FUT8: variants seen among roughly 807,000 people sequenced by gnomAD.
FUT8 encodes fucosyltransferase 8, also known as alpha-(1,6)-fucosyltransferase.
FUT8 carries 29 observed loss-of-function variants against 71.3 expected under a neutral mutation model. The ratio of observed to expected loss-of-function variants is 0.41; its 90% CI spans 0.30 to 0.55. The LOEUF (loss-of-function observed/expected upper bound fraction) is 0.55. Among genes scored for constraint, FUT8 ranks in the 20% least tolerant of loss-of-function variants. The pLI is 0.34. For synonymous variants in FUT8, 254 were observed against 239.3 expected, an observed-to-expected ratio of 1.06 and a Z score of -0.57; for missense variants, 544 against 702.1, an observed-to-expected ratio of 0.77 and a Z score of 2.55.
chr14:65,412,699 A>G (rs948813377), upstream of FUT8: 1 of 178,794 alleles, frequency 5.6e-6, no homozygotes, highest in Admixed American at 6.1e-5. Context: ...CCTCTCCCAG[A>G]AGCCAGGAAC....
In FUT8 at chr14:65,574,109, A is replaced by G. The variant is rs1286928293; in HGVS notation, c.203+12343A>G. On this transcript the variant is annotated intron_variant, in intron 3 of 10. Transcript: ENST00000673929. The surrounding 1 kb of genome is among the most constrained non-coding windows in gnomAD (Gnocchi z 5.2). ...GTTGTTGGCAGAATTCACTTCCTTG[A>G]TATTGTTTGGACTAAGGGCCTCAGT... 6.6e-6 allele frequency among the ~76,000 whole-genome samples: 1 copy of G among 152,100 alleles called. No homozygotes were observed. The highest frequency in any genetic ancestry group is 1.5e-5 in the Non-Finnish European group (1 of 68,028).
intron 1 of FUT8, among the ~76,000 whole-genome samples, chr14:65,434,999 G>A (rs370615142): frequency 9.2e-5 from 14 of 151,898 alleles, no homozygotes; most frequent in African/African-American, 2.4e-4. Context: ...TAAGTTCATC[G>A]CCCTGGAAAA....
chr14:65,509,951 C>A (rs1045239824), intron 2 of FUT8, among the ~76,000 whole-genome samples: 1 of 152,098 alleles, frequency 6.6e-6, no homozygotes, highest in African/African-American at 2.4e-5. Context: ...ATTGCTCTAG[C>A]TAGGACTCCC....
At chr14:65,492,219 A>G (rs2066491953) in intron 2 of FUT8, among the ~76,000 whole-genome samples, 1 of 152,218 alleles carries the variant, frequency 6.6e-6, no homozygotes, top group South Asian at 2.1e-4. Context: ...TCAATCCAAC[A>G]TGACAGATAT....
At chr14:65,585,409 A>G (rs1566836024) in intron 3 of FUT8, among the ~76,000 whole-genome samples, 1 of 152,132 alleles carries the variant, frequency 6.6e-6, no homozygotes, top group Non-Finnish European at 1.5e-5. Flanking sequence ...CTGGTCTCAA[A>G]GTGCTAGTCT....
intron 2 of FUT8, among the ~76,000 whole-genome samples, chr14:65,494,588 T>C (rs2066531843): frequency 6.6e-6 from 1 of 152,078 alleles, no homozygotes; most frequent in Non-Finnish European, 1.5e-5. Context: ...CAACGTATTT[T>C]TTTATTTTTT....
chr14:65,697,155 T>G (rs918295639), intron 7 of FUT8, among the ~76,000 whole-genome samples: 9 of 152,210 alleles, frequency 5.9e-5, no homozygotes, highest in Non-Finnish European at 1.3e-4. Context: ...GGAACTGAAG[T>G]AGATAGGCTG....
chr14:65,714,771 A>G (rs1025598685), intron 7 of FUT8, among the ~76,000 whole-genome samples: 7 of 151,986 alleles, frequency 4.6e-5, no homozygotes, highest in African/African-American at 1.7e-4. Flanking sequence ...TCAGTGTTTT[A>G]TAGTTTTCAT....
chr14:65,480,235 A>G (rs745660084), intron 2 of FUT8, among the ~76,000 whole-genome samples: 1 of 150,424 alleles, frequency 6.6e-6, no homozygotes, highest in Non-Finnish European at 1.5e-5. Context: ...TTTCTATCCC[A>G]TCATTATGAT....
In FUT8 at chr14:65,561,498, CAG is replaced by C. The variant is rs893806346; in HGVS notation, c.-63_-62del. 8.8e-6 allele frequency: 13 copies of C among 1,478,130 alleles called. 1 individual carries two copies. Among genetic ancestry groups the C allele is most frequent in the Middle Eastern group, 2.3e-4 (1 of 4,326 alleles). 91.6% of individuals were successfully genotyped at this position (1,478,130 alleles called of 1,614,324 possible). On this transcript the variant is annotated 5_prime_UTR_variant, in exon 3 of 11. Transcript: ENST00000673929. ...TATTCACCTGTGCACTAACTAGAAA[CAG>C]AGTTACAATGTTTTCAATTCTTTGA...
intron 7 of FUT8, among the ~76,000 whole-genome samples, chr14:65,716,431 C>CTT (rs201105372): frequency 2.0e-5 from 2 of 99,254 alleles, no homozygotes; most frequent in Admixed American, 9.9e-5. Flanking sequence ...GACAGGATTT[C>CTT]TTTTTTTTTT....
At chr14:65,450,566 A>G (rs1266747777) in intron 1 of FUT8, among the ~76,000 whole-genome samples, 1 of 152,140 alleles carries the variant, frequency 6.6e-6, no homozygotes, top group Non-Finnish European at 1.5e-5. Flanking sequence ...TTTGATGTGG[A>G]TATGATATTA....
intron 3 of FUT8, among the ~76,000 whole-genome samples, chr14:65,584,585 T>C (rs1887273152): frequency 6.6e-6 from 1 of 152,150 alleles, no homozygotes; most frequent in South Asian, 2.1e-4. Context: ...ATATAAAAAA[T>C]GGGATAAAGA....
chr14:65,408,637 G>A (rs2065096239), upstream of FUT8, among the ~76,000 whole-genome samples: 1 of 152,180 alleles, frequency 6.6e-6, no homozygotes, highest in Non-Finnish European at 1.5e-5. Context: ...TCAATAGTGT[G>A]AACTATATGC....
chr14:65,432,652 A>G (rs1050943285), intron 1 of FUT8, among the ~76,000 whole-genome samples: 1 of 152,134 alleles, frequency 6.6e-6, no homozygotes, highest in Non-Finnish European at 1.5e-5. Context: ...AGACCTTGCT[A>G]ATAAAACAGG....
At chr14:65,412,165 A>G, upstream of FUT8, 1 of 456,592 alleles carries the variant, frequency 2.2e-6, no homozygotes, top group African/African-American at 2.0e-5. Flanking sequence ...ATGTGGAAAC[A>G]GCTCTTACAA....
At chr14:65,422,906 C>T (rs1157105981) in intron 1 of FUT8, among the ~76,000 whole-genome samples, 1 of 152,094 alleles carries the variant, frequency 6.6e-6, no homozygotes, top group Non-Finnish European at 1.5e-5. Flanking sequence ...GATCCTCCTG[C>T]CTCATCTTCC....
chr14:65,592,917 G>A (rs1046777817), intron 3 of FUT8, among the ~76,000 whole-genome samples: 3 of 152,140 alleles, frequency 2.0e-5, no homozygotes, highest in Non-Finnish European at 4.4e-5. Context: ...CTCACTATAT[G>A]TCAGCATCTG....
At chr14:65,618,793 G>C (rs2140234303) in intron 5 of FUT8, among the ~76,000 whole-genome samples, 1 of 152,262 alleles carries the variant, frequency 6.6e-6, no homozygotes. Context: ...TAGGTTTCTA[G>C]GTCTGTAGCT....
Sources: allele counts gnomAD v4.1 joint callset (sites outside exome capture counted in the v4.1 genomes callset), GRCh38; gene constraint gnomAD v4.1.1; non-coding constraint Gnocchi (gnomAD v3.1); transcripts MANE v1.5; gene names NCBI Gene and HGNC (gene_info 2026-07-23, HGNC 2026-07-21).